The following NECAB2 variants were observed in gnomAD, a reference collection of about 807,000 sequenced individuals.
NECAB2 encodes N-terminal EF-hand calcium binding protein 2, also known as N-terminal EF-hand calcium-binding protein 2.
Under a neutral mutation model 51.9 loss-of-function variants are expected in NECAB2, and 68 were observed. The observed-to-expected ratio is 1.31, with a 90% CI of 1.08 to 1.60. The LOEUF (loss-of-function observed/expected upper bound fraction) is 1.60. NECAB2 is among the 40% of genes most tolerant of loss of function. The probability of loss-of-function intolerance (pLI) is 0.00; values close to 1 mark genes in which losing one functional copy is unlikely to be tolerated. For missense variants in NECAB2, 854 were observed against 490.3 expected, an observed-to-expected ratio of 1.74 and a Z score of -7.00; for synonymous variants, 329 against 203.5, an observed-to-expected ratio of 1.62 and a Z score of -5.25.
intron 5 of NECAB2, among the ~76,000 whole-genome samples, chr16:83,982,508 C>T (rs2084500952): frequency 6.6e-6 from 1 of 152,170 alleles, no homozygotes; most frequent in Admixed American, 6.5e-5. Flanking sequence ...AATGCCAGCT[C>T]TGCTCCAAAC....
chr16:83,989,822 C>G (rs1290830299), intron 5 of NECAB2, among the ~76,000 whole-genome samples: 2 of 152,288 alleles, frequency 1.3e-5, no homozygotes, highest in South Asian at 2.1e-4. Context: ...AAAAAACTTT[C>G]TTTTTCGTCT....
At chr16:83,992,970 C>T (rs1191824814) in intron 6 of NECAB2, among the ~76,000 whole-genome samples, 2 of 152,190 alleles carry the variant, frequency 1.3e-5, no homozygotes, top group African/African-American at 4.8e-5. Context: ...GGCAGACTTC[C>T]CACACTGGGT....
intron 8 of NECAB2, among the ~76,000 whole-genome samples, chr16:83,994,900 C>T (rs1304116345): frequency 3.3e-5 from 5 of 152,126 alleles, no homozygotes; most frequent in African/African-American, 4.8e-5. Flanking sequence ...GGAGGGGCGC[C>T]TGGGAAGAGA....
chr16:83,967,705 C>CGGATGGATGGAT (rs60129536), upstream of NECAB2, among the ~76,000 whole-genome samples: 95 of 77,290 alleles, frequency 1.2e-3, 1 homozygote, highest in African/African-American at 4.1e-3. Flanking sequence ...GATGGATGGA[C>CGGATGGATGGAT]GGATGGATGG....
At chr16:83,965,953 C>G, upstream of NECAB2, 1 of 1,609,922 alleles carries the variant, frequency 6.2e-7, no homozygotes, top group Middle Eastern at 1.7e-4. Flanking sequence ...TGCAGGGGGG[C>G]GCCTTGGCTG....
intron 10 of NECAB2, among the ~76,000 whole-genome samples, chr16:84,000,458 G>A (rs1242553310): frequency 3.9e-5 from 6 of 152,164 alleles, no homozygotes; most frequent in African/African-American, 1.4e-4. Flanking sequence ...ACTCCAGCCT[G>A]GGCAACAGAG....
intron 10 of NECAB2, among the ~76,000 whole-genome samples, chr16:83,999,887 T>TA (rs1555549819): frequency 1.4e-5 from 2 of 138,310 alleles, no homozygotes; most frequent in African/African-American, 3.4e-5. Flanking sequence ...TTTTGATTTT[T>TA]AAAGGTTTTT....
intron 3 of NECAB2, among the ~76,000 whole-genome samples, chr16:83,979,729 G>A (rs1268460691): frequency 7.0e-5 from 10 of 143,144 alleles, no homozygotes; most frequent in African/African-American, 1.3e-4. Context: ...TTTGAGAGTC[G>A]AACTGTGAGA....
chr16:83,977,152 AG>A (rs889409160), intron 2 of NECAB2, among the ~76,000 whole-genome samples: 11 of 152,234 alleles, frequency 7.2e-5, no homozygotes, highest in Non-Finnish European at 1.6e-4. Flanking sequence ...CCTTGTCCCA[AG>A]CACCCAGCTT....
At position 83,990,497 on chromosome 16, in the gene NECAB2, T is replaced by A. The variant is rs1404897817; in HGVS notation, c.463T>A (p.Tyr155Asn). The A allele has an allele frequency of 1.2e-6, 2 of 1,613,790 alleles. No homozygotes were observed. Among genetic ancestry groups the A allele is most frequent in the African/African-American group, 2.7e-5 (2 of 74,866 alleles). The change falls in exon 6 of 13, where the codon TAT (tyrosine) becomes AAT (asparagine). Residue 155 changes from tyrosine to asparagine, a missense_variant. Coordinates refer to ENST00000305202, the MANE Select transcript of NECAB2 (RefSeq NM_019065.3). Reference protein sequence around the residue: ...LKAMGYTKKVYEGGSNVDQFV... With the variant: ...LKAMGYTKKVNEGGSNVDQFV... ...GCCTCTTCTCTTCCTTCCACAGGTATATGAGGGTGGGAGCAACGTGGACCA... is the reference window on the plus strand; with the variant it reads ...GCCTCTTCTCTTCCTTCCACAGGTAAATGAGGGTGGGAGCAACGTGGACCA...
Position 84,000,710 on chromosome 16 carries a change from A to C in NECAB2, c.963-14A>C. 1.9e-6 allele frequency: 3 copies of C among 1,613,514 alleles called. No individual in the cohort carries two copies. Among genetic ancestry groups the C allele is most frequent in the Non-Finnish European group, 2.5e-6 (3 of 1,179,790 alleles). On this transcript the variant is annotated splice_polypyrimidine_tract_variant and intron_variant, in intron 10 of 12. Coordinates refer to ENST00000305202, the MANE Select transcript of NECAB2 (RefSeq NM_019065.3). ...GAGCTCCAGCCTCCTCCCCCCGACC[A>C]TCTCCTGTTGCAGCATCACTGCCGT...
At chr16:83,993,666 G>GTC (rs2084655315) in intron 6 of NECAB2, 9 of 156,546 alleles carry the variant, frequency 5.7e-5, no homozygotes, top group Non-Finnish European at 1.2e-4. Context: ...GTGTGTGTGT[G>GTC]TGTCTGCCTC....
At chr16:84,000,534 C>G (rs1316380201) in intron 10 of NECAB2, among the ~76,000 whole-genome samples, 190 bp from the exon 11 acceptor site, 1 of 152,166 alleles carries the variant, frequency 6.6e-6, no homozygotes, top group Non-Finnish European at 1.5e-5. Context: ...CTGTTGGCCA[C>G]TATAAGAAGC....
intron 6 of NECAB2, among the ~76,000 whole-genome samples, chr16:83,991,785 T>C (rs898767786): frequency 2.9e-4 from 43 of 150,456 alleles, no homozygotes; most frequent in African/African-American, 1.1e-3. Context: ...GAGCTGGGAC[T>C]ACAGGCATGT....
intron 8 of NECAB2, among the ~76,000 whole-genome samples, chr16:83,995,529 C>T (rs112882815): frequency 3.2e-4 from 48 of 152,288 alleles, no homozygotes; most frequent in African/African-American, 1.1e-3. Flanking sequence ...TATTATGAGG[C>T]ATTCTGTTAC....
chr16:83,999,219 C>A (rs543982267), intron 10 of NECAB2, among the ~76,000 whole-genome samples: 14 of 152,076 alleles, frequency 9.2e-5, no homozygotes, highest in African/African-American at 3.4e-4. Context: ...CGGCCGTTCC[C>A]GAGACTCGGC....
chr16:83,971,156 T>A (rs1386235306), intron 1 of NECAB2, among the ~76,000 whole-genome samples: 1 of 151,904 alleles, frequency 6.6e-6, no homozygotes, highest in Non-Finnish European at 1.5e-5. Context: ...GTGAAAGGTC[T>A]GACTCCACTA....
chr16:83,967,482 G>A (rs1248070453), upstream of NECAB2, among the ~76,000 whole-genome samples: 1 of 67,764 alleles, frequency 1.5e-5, no homozygotes, highest in Non-Finnish European at 3.0e-5. Flanking sequence ...GGGAGGGAGG[G>A]GGGTGGGTGG....
At chr16:83,982,905 C>G (rs1597207222) in intron 5 of NECAB2, among the ~76,000 whole-genome samples, 1 of 151,048 alleles carries the variant, frequency 6.6e-6, no homozygotes, top group African/African-American at 2.4e-5. Flanking sequence ...GAGTCTCACT[C>G]TTGTCCAGGC....
Sources: allele counts gnomAD v4.1 joint callset (sites outside exome capture counted in the v4.1 genomes callset), GRCh38; gene constraint gnomAD v4.1.1; transcripts MANE v1.5; gene names NCBI Gene and HGNC (gene_info 2026-07-23, HGNC 2026-07-21).